SRD5A2: variants seen among roughly 807,000 people sequenced by gnomAD.
The protein encoded by SRD5A2 is steroid 5 alpha-reductase 2, also known as 3-oxo-5-alpha-steroid 4-dehydrogenase 2.
Under a neutral mutation model 27.4 loss-of-function variants are expected in SRD5A2, and 30 were observed. That is an observed-to-expected ratio of 1.10 (90% confidence interval 0.82 to 1.49). The LOEUF (loss-of-function observed/expected upper bound fraction) is 1.49. Among genes scored for constraint, SRD5A2 ranks in the 40% most tolerant of loss-of-function variants. The pLI is 0.00. For synonymous variants in SRD5A2, 141 were observed against 133.6 expected (o/e 1.06, Z -0.38); for missense variants, 348 against 323.4 (o/e 1.08, Z -0.58).
chr2:31,612,787 C>A, the SRD5A2 span, among the ~76,000 whole-genome samples: 1 of 152,270 alleles, frequency 6.6e-6, no homozygotes, highest in South Asian at 2.1e-4. Context: ...CTACTGTAAT[C>A]AAAACAGCAT....
the SRD5A2 span, among the ~76,000 whole-genome samples, chr2:31,650,952 A>C: frequency 2.0e-5 from 3 of 152,148 alleles, no homozygotes; most frequent in Admixed American, 2.0e-4. Context: ...TAATAATGAG[A>C]TTTGTGGGCA....
the SRD5A2 span, among the ~76,000 whole-genome samples, chr2:31,607,345 G>A: frequency 5.9e-5 from 9 of 151,876 alleles, no homozygotes; most frequent in East Asian, 1.2e-3. Flanking sequence ...ACTGAAGCAC[G>A]TTATATTTAA....
At position 31,524,950 on chromosome 2, in the gene SRD5A2, T is replaced by C. The variant is rs867230876; in HGVS notation, c.*1246A>G. On this transcript the variant is annotated 3_prime_UTR_variant, in exon 5 of 5. Transcript: ENST00000622030. ...CCAGTTCTGGTGTGGAAATGTGGGC[T>C]CTGTATGTTCAGATCCTCCAACTTT... 2 of 224,370 alleles carry C rather than the reference T, an allele frequency of 8.9e-6. No homozygotes were observed. Among genetic ancestry groups the C allele is most frequent in the South Asian group, 1.8e-4 (1 of 5,462 alleles). The allele number at this position is 224,370 out of a possible 1,614,324, so 13.9% of individuals were successfully genotyped here.
intron 1 of SRD5A2, among the ~76,000 whole-genome samples, chr2:31,559,836 C>CAACA (rs70964719): frequency 0.056 from 3,541 of 63,696 alleles, 101 homozygotes; most frequent in Admixed American, 0.1. Flanking sequence ...GTAAACAAAC[C>CAACA]CACACACACA....
the SRD5A2 span, among the ~76,000 whole-genome samples, chr2:31,598,328 A>G: frequency 6.6e-6 from 1 of 151,980 alleles, no homozygotes; most frequent in African/African-American, 2.4e-5. Flanking sequence ...GAAATAAAAG[A>G]CTACATAATG....
the SRD5A2 span, among the ~76,000 whole-genome samples, chr2:31,598,912 C>A: frequency 6.6e-6 from 1 of 151,912 alleles, no homozygotes; most frequent in African/African-American, 2.4e-5. Context: ...CACTGATATG[C>A]TGCATACAAG....
upstream of SRD5A2, among the ~76,000 whole-genome samples, chr2:31,581,407 A>C (rs1031798036): frequency 1.3e-5 from 2 of 151,792 alleles, no homozygotes; most frequent in African/African-American, 4.8e-5. Context: ...CTCCCACCCA[A>C]CATAGGACCT....
chr2:31,644,319 C>CA, the SRD5A2 span, among the ~76,000 whole-genome samples: 2 of 152,052 alleles, frequency 1.3e-5, no homozygotes, highest in South Asian at 2.1e-4. Context: ...GAGCCAGGAC[C>CA]AAAAAATGCG....
the SRD5A2 span, among the ~76,000 whole-genome samples, chr2:31,662,730 T>G: frequency 3.3e-5 from 5 of 152,160 alleles, no homozygotes; most frequent in Non-Finnish European, 5.9e-5. Context: ...GAGGTGTTCA[T>G]CCAATCACTC....
the SRD5A2 span, among the ~76,000 whole-genome samples, chr2:31,639,634 A>AT: frequency 2.0e-3 from 290 of 148,042 alleles, 3 homozygotes; most frequent in African/African-American, 6.5e-3. Context: ...CATGGCAGTT[A>AT]TTTTTTTTTT....
At chr2:31,533,493 G>T in intron 2 of SRD5A2, 110 bp downstream of exon 2, 1 of 979,512 alleles carries the variant, frequency 1.0e-6, no homozygotes, top group South Asian at 1.6e-5. Context: ...TGAGGGAGGG[G>T]AAGATGGGAT....
At chr2:31,583,683 A>T (rs902186061), upstream of SRD5A2, among the ~76,000 whole-genome samples, 2 of 145,410 alleles carry the variant, frequency 1.4e-5, no homozygotes, top group Non-Finnish European at 3.0e-5. Context: ...AAACACCACT[A>T]CCCTGACTTC....
chr2:31,619,062 T>C, the SRD5A2 span, among the ~76,000 whole-genome samples: 1 of 152,136 alleles, frequency 6.6e-6, no homozygotes, highest in East Asian at 1.9e-4. Context: ...CATGAAAAGA[T>C]GCCCACCATC....
At chr2:31,635,305 G>A in the SRD5A2 span, among the ~76,000 whole-genome samples, 2 of 152,098 alleles carry the variant, frequency 1.3e-5, no homozygotes, top group Admixed American at 6.6e-5. Context: ...GATAGGTGAT[G>A]TTAAGCATTT....
chr2:31,587,940 CAG>C, the SRD5A2 span, among the ~76,000 whole-genome samples: 70 of 152,156 alleles, frequency 4.6e-4, no homozygotes, highest in African/African-American at 1.6e-3. Flanking sequence ...AAGAATCAAA[CAG>C]AAATTCTGGA....
At chr2:31,642,337 G>A in the SRD5A2 span, among the ~76,000 whole-genome samples, 3 of 152,092 alleles carry the variant, frequency 2.0e-5, no homozygotes, top group East Asian at 3.9e-4. Context: ...TTCTGACCAA[G>A]TACTTTTTGA....
Position 31,533,766 on chromosome 2 carries a change from C to G in SRD5A2, c.282G>C (p.Arg94Ser). 6.2e-7 allele frequency: 1 copy of G among 1,601,850 alleles called. No homozygotes were observed. The highest frequency in any genetic ancestry group is 2.2e-5 in the East Asian group (1 of 44,514). ...GATTGAGCAGTGAGTACACAAATGT[C>G]CTGGGACACACAGGGAGGAAAGGTT... is the stretch of plus-strand genomic sequence containing the variant. ...LGLFCLHYFH[R>S]TFVYSLLNRG... The change falls in exon 2 of 5, where the codon AGG becomes AGC. Residue 94 changes from arginine to serine, a missense_variant and splice_region_variant. Arg to Ser is a moderately radical substitution (Grantham distance 110). Transcript: ENST00000622030.
At chr2:31,557,433 G>T (rs374937391) in intron 1 of SRD5A2, among the ~76,000 whole-genome samples, 1 of 152,182 alleles carries the variant, frequency 6.6e-6, no homozygotes, top group Non-Finnish European at 1.5e-5. Context: ...AAATTGGACC[G>T]CAAAACCTAG....
At chr2:31,640,930 T>G in the SRD5A2 span, among the ~76,000 whole-genome samples, 1 of 152,176 alleles carries the variant, frequency 6.6e-6, no homozygotes, top group Non-Finnish European at 1.5e-5. Flanking sequence ...CAATTTCACT[T>G]CTTCCAATGA....
Sources: gnomAD v4.1 joint callset for allele counts (sites outside exome capture counted in the v4.1 genomes callset) on GRCh38, gnomAD v4.1.1 for gene constraint, MANE v1.5 for transcripts, NCBI Gene and HGNC (gene_info 2026-07-23, HGNC 2026-07-21) for gene names.